Variants in REC114 observed in about 807,000 individuals in gnomAD.
The protein encoded by REC114 is meiotic recombination protein REC114.
A neutral mutation model predicts 31.3 loss-of-function variants in REC114; 27 were observed. The ratio of observed to expected loss-of-function variants is 0.86; its 90% CI spans 0.64 to 1.19. REC114 has a LOEUF of 1.19. Among genes scored for constraint, REC114 ranks in the 50% most tolerant of loss-of-function variants. REC114 has a pLI of 0.00. For synonymous variants in REC114, 134 were observed against 127.7 expected (o/e 1.05, Z -0.33); for missense variants, 344 against 326.9 (o/e 1.05, Z -0.40).
At chr15:73,542,987 T>G (rs1894260829) in intron 3 of REC114, among the ~76,000 whole-genome samples, 1 of 151,430 alleles carries the variant, frequency 6.6e-6, no homozygotes, top group Admixed American at 6.6e-5. Flanking sequence ...TCCCGATAGG[T>G]TGTCCCTGCT....
intron 2 of REC114, among the ~76,000 whole-genome samples, chr15:73,505,622 C>T (rs1019145540): frequency 6.6e-6 from 1 of 152,144 alleles, no homozygotes; most frequent in Non-Finnish European, 1.5e-5. Flanking sequence ...AGCTCTGCCT[C>T]CTGGGTTCAC....
intron 1 of REC114, among the ~76,000 whole-genome samples, chr15:73,447,238 G>C (rs1595857401): frequency 6.6e-6 from 1 of 152,288 alleles, no homozygotes; most frequent in South Asian, 2.1e-4. Flanking sequence ...CTGAATAGGT[G>C]GTTGGGTATA....
chr15:73,489,198 AC>A (rs1893412231), intron 2 of REC114, among the ~76,000 whole-genome samples: 1 of 107,610 alleles, frequency 9.3e-6, no homozygotes, highest in Non-Finnish European at 1.9e-5. Flanking sequence ...CCCCTCCCCC[AC>A]CTTTTTTTTT....
At chr15:73,517,893 T>G (rs944874696) in intron 2 of REC114, among the ~76,000 whole-genome samples, 12 of 151,972 alleles carry the variant, frequency 7.9e-5, no homozygotes, top group Non-Finnish European at 2.9e-5. Context: ...AAGAGGAGGT[T>G]GAAGAGAATA....
chr15:73,523,374 G>A (rs1007559751), intron 2 of REC114, among the ~76,000 whole-genome samples: 1 of 152,024 alleles, frequency 6.6e-6, no homozygotes, highest in African/African-American at 2.4e-5. Flanking sequence ...CAGAACAGCT[G>A]GAATGGTTAC....
rs11315254 is a variant in REC114 at position 73,542,344 on chromosome 15, GAA to G, written c.333+1786_333+1787del. On this transcript the variant is annotated intron_variant, in intron 3 of 5. Transcript: ENST00000331090. ...AGACTCTGTCTCAAAAAAAAAAAAA[GAA>G]AAAAAAAAAGAAAAAAGAAATCTAG... 8.3e-4 allele frequency among the ~76,000 whole-genome samples: 117 copies of G among 141,168 alleles called. 1 individual carries two copies. The East Asian group carries it at 0.013, about 15-fold the overall frequency. 92.6% of individuals were successfully genotyped at this position (141,168 alleles called of 152,430 possible). A position where few individuals can be genotyped will look rare whatever the true frequency, so the allele number is the denominator to read the frequency against.
intron 2 of REC114, among the ~76,000 whole-genome samples, chr15:73,501,856 A>G (rs180774073): frequency 6.6e-6 from 1 of 152,236 alleles, no homozygotes; most frequent in East Asian, 1.9e-4. Context: ...AGATACAAGG[A>G]TGCAACGATC....
intron 2 of REC114, among the ~76,000 whole-genome samples, chr15:73,480,598 G>A (rs1395018029): frequency 6.6e-6 from 1 of 151,368 alleles, no homozygotes; most frequent in Non-Finnish European, 1.5e-5. Context: ...GGATTATAAC[G>A]CATTTATAAC....
chr15:73,513,259 C>T (rs1360081083), intron 2 of REC114, among the ~76,000 whole-genome samples: 4 of 151,926 alleles, frequency 2.6e-5, no homozygotes, highest in Non-Finnish European at 5.9e-5. Context: ...CTTCTGCATT[C>T]TTCACATAGT....
At chr15:73,451,982 C>G (rs1215201173) in intron 1 of REC114, among the ~76,000 whole-genome samples, 1 of 152,152 alleles carries the variant, frequency 6.6e-6, no homozygotes, top group Non-Finnish European at 1.5e-5. Context: ...TAGACTGTAT[C>G]TCCAAATAAT....
intron 3 of REC114, among the ~76,000 whole-genome samples, chr15:73,548,427 G>C (rs1353391676): frequency 6.6e-6 from 1 of 152,154 alleles, no homozygotes; most frequent in East Asian, 1.9e-4. Flanking sequence ...CTTTTTAAAA[G>C]TAAGACATAC....
At chr15:73,523,870 TGTGAG>T (rs1023900813) in intron 2 of REC114, among the ~76,000 whole-genome samples, 2 of 152,214 alleles carry the variant, frequency 1.3e-5, no homozygotes, top group African/African-American at 2.4e-5. Context: ...TTGTGTATGA[TGTGAG>T]GTAAGGGTCA....
chr15:73,518,486 G>T (rs1893892796), intron 2 of REC114, among the ~76,000 whole-genome samples: 1 of 152,180 alleles, frequency 6.6e-6, no homozygotes, highest in South Asian at 2.1e-4. Flanking sequence ...GTTCTAGCAG[G>T]AGTCCCAGGA....
At chr15:73,554,886 A>G (rs1894442205) in intron 4 of REC114, among the ~76,000 whole-genome samples, 1 of 152,250 alleles carries the variant, frequency 6.6e-6, no homozygotes, top group Non-Finnish European at 1.5e-5. Flanking sequence ...CTAGGAAAGC[A>G]TCATATGTCA....
intron 1 of REC114, among the ~76,000 whole-genome samples, chr15:73,460,552 A>G (rs911697671): frequency 2.6e-5 from 4 of 152,166 alleles, no homozygotes; most frequent in Admixed American, 2.6e-4. Context: ...TGATTACTGG[A>G]ACTGTTATGA....
chr15:73,472,384 A>C (rs1044818242), intron 1 of REC114, among the ~76,000 whole-genome samples: 1 of 152,212 alleles, frequency 6.6e-6, no homozygotes, highest in Non-Finnish European at 1.5e-5. Flanking sequence ...TGATATCTAA[A>C]ATGTTATTCA....
intron 2 of REC114, among the ~76,000 whole-genome samples, chr15:73,526,322 T>C (rs568003576): frequency 6.6e-6 from 1 of 152,336 alleles, no homozygotes; most frequent in Admixed American, 6.5e-5. Flanking sequence ...TGATTTTCTG[T>C]GTAAGTTTAA....
intron 2 of REC114, among the ~76,000 whole-genome samples, chr15:73,520,622 C>T (rs982680790): frequency 9.9e-5 from 15 of 152,148 alleles, no homozygotes; most frequent in Non-Finnish European, 1.8e-4. Flanking sequence ...CACCCCATCA[C>T]GAACCTCCCT....
chr15:73,454,650 A>G (rs578035992), intron 1 of REC114, among the ~76,000 whole-genome samples: 6 of 152,344 alleles, frequency 3.9e-5, no homozygotes, highest in South Asian at 4.1e-4. Context: ...GAAATACAAA[A>G]TGAGGTGAAG....
Sources: gnomAD v4.1 joint callset for allele counts (sites outside exome capture counted in the v4.1 genomes callset) on GRCh38, gnomAD v4.1.1 for gene constraint, MANE v1.5 for transcripts, NCBI Gene and HGNC (gene_info 2026-07-23, HGNC 2026-07-21) for gene names.